The following NISCH variants were observed in gnomAD, a reference collection of about 807,000 sequenced individuals.
The protein encoded by NISCH is nischarin, also known as I-1 receptor candidate protein.
In NISCH, 55 loss-of-function variants were observed where a neutral mutation model predicts 138.4. The ratio of observed to expected loss-of-function variants is 0.40; its 90% CI spans 0.32 to 0.50. The LOEUF is 0.50. NISCH is among the 20% of genes least tolerant of loss of function. The pLI is 0.71. For missense variants in NISCH, 1,643 were observed against 2,005.5 expected, an observed-to-expected ratio of 0.82 and a Z score of 3.45; for synonymous variants, 860 against 861.5, an observed-to-expected ratio of 1.00 and a Z score of 0.03.
At chr3:52,478,923 G>A (rs1707183122) in intron 11 of NISCH, among the ~76,000 whole-genome samples, 1 of 152,148 alleles carries the variant, frequency 6.6e-6, no homozygotes, top group Non-Finnish European at 1.5e-5. Context: ...GGTGTCTGCT[G>A]CCCCTCGCGG....
Position 52,488,585 on chromosome 3 carries a change from G to C in NISCH, c.3093G>C (p.Gln1031His), listed in dbSNP as rs914684419. 6.2e-7 allele frequency: 1 copy of C among 1,610,930 alleles called. No homozygotes were observed. The highest frequency in any genetic ancestry group is 1.7e-5 in the Admixed American group (1 of 59,916). Residue 1031 changes from glutamine (Q) to histidine (H), a missense_variant, in exon 16 of 21, where the codon CAG becomes CAC. By Grantham distance (24) the Gln-to-His change is conservative (BLOSUM62 0). Transcript: ENST00000345716. ...CCCAGGGCTCCTTTGCGGATGGCCA[G>C]CCTGCCGAGCGCAGGGCCAGGTGAG... ...GSPQGSFADG[Q>H]PAERRASNDQ...
chr3:52,490,183 T>C lies in NISCH; in HGVS notation c.3565T>C (p.Phe1189Leu), dbSNP rs1707523760. The C allele has an allele frequency of 6.2e-7, 1 of 1,613,412 alleles. No individual in the cohort carries two copies. Among genetic ancestry groups the C allele is most frequent in the East Asian group, 2.2e-5 (1 of 44,880 alleles). The change falls in exon 18 of 21, where the codon TTT (phenylalanine) becomes CTT (leucine). Residue 1189 changes from phenylalanine (F) to leucine (L), a missense_variant. By Grantham distance (22) the Phe-to-Leu change is conservative. Transcript: ENST00000345716. ...CVLLSTKAVY[F>L]VLHDGLRRYF... ...GCTGCTCTCCACCAAGGCTGTGTACTTTGTGCTCCACGACGGCCTCCGCCG... is the reference window on the plus strand; with the variant it reads ...GCTGCTCTCCACCAAGGCTGTGTACCTTGTGCTCCACGACGGCCTCCGCCG...
In NISCH at chr3:52,492,453, C is replaced by T. The variant is rs1359997532; in HGVS notation, c.4486C>T (p.Arg1496Cys). 1.4e-5 allele frequency: 23 copies of T among 1,607,920 alleles called. No individual in the cohort carries two copies. Among genetic ancestry groups the T allele is most frequent in the East Asian group, 1.3e-4 (6 of 44,838 alleles). Residue 1496 changes from arginine (R) to cysteine (C), a missense_variant, in exon 21 of 21, where the codon CGT becomes TGT. Transcript: ENST00000345716. ...LARQWEALCG[R>C]ELPVELTG ...TCGCCAGTGGGAGGCCCTGTGTGGCCGTGAGCTGCCTGTCGAGCTCACCGG... is the reference window on the plus strand; with the variant it reads ...TCGCCAGTGGGAGGCCCTGTGTGGCTGTGAGCTGCCTGTCGAGCTCACCGG...
At chr3:52,481,538 G>T (rs984852976) in intron 13 of NISCH, 1 of 985,484 alleles carries the variant, frequency 1.0e-6, no homozygotes, top group Admixed American at 6.1e-5. Flanking sequence ...GCGCAGCCAA[G>T]CGAGCCTGTG....
intron 13 of NISCH, chr3:52,481,595 G>C (rs1158473917): frequency 1.0e-6 from 1 of 985,598 alleles, no homozygotes; most frequent in African/African-American, 1.7e-5. Flanking sequence ...AGCTGCATCT[G>C]CTTCTCAAGG....
intron 13 of NISCH, chr3:52,481,112 A>T: frequency 7.7e-7 from 1 of 1,294,810 alleles, no homozygotes; most frequent in East Asian, 3.0e-5. Context: ...TTGACCTGGT[A>T]ACCCCACTGG....
Position 52,478,262 on chromosome 3 carries a change from C to G in NISCH, c.1153C>G (p.Arg385Gly). 3 of 1,614,038 alleles carry G rather than the reference C, an allele frequency of 1.9e-6. No individual in the cohort carries two copies. Among genetic ancestry groups the G allele is most frequent in the African/African-American group, 1.3e-5 (1 of 75,018 alleles). ...KLYSLVNLDL[R>G]DNRIEQMEEV... ...CTACTCACTGGTCAACCTGGATCTC[C>G]GGGACAACAGGATCGAACAGGTGAG... Residue 385 changes from arginine to glycine, a missense_variant, in exon 10 of 21, where the codon CGG becomes GGG. Coordinates refer to ENST00000345716, the MANE Select transcript of NISCH (RefSeq NM_007184.4).
Position 52,477,646 on chromosome 3 carries a change from G to T in NISCH, c.987+4G>T. 2 of 1,612,744 alleles carry T rather than the reference G, an allele frequency of 1.2e-6. No homozygotes were observed. Among genetic ancestry groups the T allele is most frequent in the Non-Finnish European group, 1.7e-6 (2 of 1,178,670 alleles). ...GCTGGTTGTGGACAATCTGCAGGTA[G>T]TGCCTTTGGAGACCAGTGCTGCCCG... is the stretch of plus-strand genomic sequence containing the variant. On this transcript the variant is annotated splice_donor_region_variant and intron_variant, in intron 9 of 20. Transcript: ENST00000345716.
intron 3 of NISCH, among the ~76,000 whole-genome samples, chr3:52,468,915 T>C (rs1199323593): frequency 6.6e-6 from 1 of 152,052 alleles, no homozygotes; most frequent in East Asian, 1.9e-4. Context: ...AAAAAAAAAT[T>C]AGAGGTTAAA....
At chr3:52,479,240 C>T (rs1707195413) in intron 11 of NISCH, among the ~76,000 whole-genome samples, 1 of 152,152 alleles carries the variant, frequency 6.6e-6, no homozygotes, top group South Asian at 2.1e-4. Flanking sequence ...GACCTTCCCT[C>T]ATTCAACCAC....
chr3:52,476,484 G>T lies in NISCH; in HGVS notation c.803G>T (p.Trp268Leu), dbSNP rs761676300. 1.2e-6 allele frequency: 2 copies of T among 1,613,972 alleles called. No individual in the cohort carries two copies. Among genetic ancestry groups the T allele is most frequent in the African/African-American group, 2.7e-5 (2 of 74,884 alleles). ...CCTGAAGCCTCAGAATTTGATGAGTGGGAGCCTGAAGGCACAACCCTAGAA... is the reference window on the plus strand; with the variant it reads ...CCTGAAGCCTCAGAATTTGATGAGTTGGAGCCTGAAGGCACAACCCTAGAA... ...LVPEASEFDE[W>L]EPEGTTLEGP... The change falls in exon 8 of 21, where the codon TGG becomes TTG. Residue 268 changes from tryptophan to leucine, a missense_variant. Coordinates refer to ENST00000345716, the MANE Select transcript of NISCH (RefSeq NM_007184.4).
chr3:52,461,241 A>G (rs2153230703), intron 3 of NISCH, among the ~76,000 whole-genome samples: 1 of 152,302 alleles, frequency 6.6e-6, no homozygotes, highest in African/African-American at 2.4e-5. Context: ...CTCAAAGAAA[A>G]AAACAAAAAC....
At chr3:52,485,884 A>G in intron 15 of NISCH, 57 bp downstream of exon 15, 1 of 1,499,422 alleles carries the variant, frequency 6.7e-7, no homozygotes, top group South Asian at 1.2e-5. Flanking sequence ...ATGCACACAC[A>G]CTGCTGTGGG....
chr3:52,457,511 C>T (rs1706507660), intron 1 of NISCH, among the ~76,000 whole-genome samples: 1 of 152,198 alleles, frequency 6.6e-6, no homozygotes, highest in Non-Finnish European at 1.5e-5. Flanking sequence ...TACCTAGAGG[C>T]AGGAGGTAAA....
At position 52,492,876 on chromosome 3, in the gene NISCH, C is replaced by T; in HGVS notation, c.*394C>T. On this transcript the variant is annotated 3_prime_UTR_variant, in exon 21 of 21. Transcript: ENST00000345716. Reference sequence around the variant, plus strand: ...TGTTGCTGTTGCTGTTGGCATCTTGCTGCTAATCCTGAGGCTGGTAGCAGA... The same window carrying T: ...TGTTGCTGTTGCTGTTGGCATCTTGTTGCTAATCCTGAGGCTGGTAGCAGA... 1 of 234,960 alleles carries T rather than the reference C, an allele frequency of 4.3e-6. No homozygotes were observed. The allele number at this position is 234,960 out of a possible 1,614,324, so 14.6% of individuals were successfully genotyped here.
At chr3:52,472,649 C>A (rs1347735413) in intron 6 of NISCH, among the ~76,000 whole-genome samples, 1 of 152,188 alleles carries the variant, frequency 6.6e-6, no homozygotes, top group Non-Finnish European at 1.5e-5. Context: ...AGCACCAGCA[C>A]CTGGCTCATT....
intron 15 of NISCH, 40 bp downstream of exon 15, chr3:52,485,867 C>G: frequency 6.5e-7 from 1 of 1,550,184 alleles, no homozygotes; most frequent in Non-Finnish European, 8.7e-7. Flanking sequence ...CCTGGCCACA[C>G]AGCCTTATGC....
chr3:52,458,732 G>C lies in NISCH; in HGVS notation c.248G>C (p.Ser83Thr), dbSNP rs1169358125. Residue 83 changes from serine (S) to threonine (T), a missense_variant, in exon 3 of 21, where the codon AGC (serine) becomes ACC (threonine). By Grantham distance (58) the Ser-to-Thr change is moderately conservative. Coordinates refer to ENST00000345716, the MANE Select transcript of NISCH (RefSeq NM_007184.4). ...AAGATAATTGGGAAAAACTCAAGAA[G>C]CTTGGTGGAGAAGAGGGAGAAGGAT... ...PKKIIGKNSR[S>T]LVEKREKDLE... The C allele has an allele frequency of 6.2e-7, 1 of 1,613,964 alleles. No homozygotes were observed. Among genetic ancestry groups the C allele is most frequent in the African/African-American group, 1.3e-5 (1 of 74,936 alleles).
In NISCH at chr3:52,489,377, C is replaced by T. The variant is rs996156344; in HGVS notation, c.3155C>T (p.Ala1052Val). 5.6e-6 allele frequency: 9 copies of T among 1,611,554 alleles called. No homozygotes were observed. The highest frequency in any genetic ancestry group is 1.1e-5 in the South Asian group (1 of 91,012). ...CAGGAGGTCCCAGCAGAGGCTCTGG[C>T]CCCGGCCCCAGCGGAAGTCCCAGCT... ...RPQEVPAEAL[A>V]PAPAEVPAPA... The change falls in exon 17 of 21, where the codon GCC becomes GTC. Residue 1052 changes from alanine (A) to valine (V), a missense_variant. Ala to Val is a moderately conservative substitution (Grantham distance 64). Coordinates refer to ENST00000345716, the MANE Select transcript of NISCH (RefSeq NM_007184.4).
Sources: gnomAD v4.1 joint callset for allele counts (sites outside exome capture counted in the v4.1 genomes callset) on GRCh38, gnomAD v4.1.1 for gene constraint, MANE v1.5 for transcripts, NCBI Gene and HGNC (gene_info 2026-07-23, HGNC 2026-07-21) for gene names.